MTBP: variants seen among roughly 807,000 people sequenced by gnomAD.
MTBP encodes MDM2 binding protein, also known as mdm2-binding protein.
In MTBP, 101 loss-of-function variants were observed where a neutral mutation model predicts 117.0. The observed-to-expected ratio is 0.86, with a 90% CI of 0.73 to 1.02. The LOEUF is 1.02. Among genes scored for constraint, MTBP ranks in the 50% least tolerant of loss-of-function variants. MTBP has a pLI of 0.00. For missense variants in MTBP, 970 were observed against 1,030.9 expected (o/e 0.94, Z 0.81); for synonymous variants, 350 against 351.5 (o/e 1.00, Z 0.05).
intron 4 of MTBP, chr8:120,451,888 T>C (rs1813354389): frequency 6.6e-6 from 1 of 152,270 alleles, no homozygotes; most frequent in South Asian, 2.1e-4. Flanking sequence ...TGGCCAATAA[T>C]GTATTTTAAA....
At chr8:120,447,468 G>C (rs1221809343) in intron 2 of MTBP, among the ~76,000 whole-genome samples, 1 of 152,114 alleles carries the variant, frequency 6.6e-6, no homozygotes, top group Non-Finnish European at 1.5e-5. Context: ...ATATGTAAAA[G>C]AGCTCTTGGG....
At chr8:120,503,431 G>A (rs1415729214) in intron 15 of MTBP, among the ~76,000 whole-genome samples, 1 of 152,144 alleles carries the variant, frequency 6.6e-6, no homozygotes, top group Non-Finnish European at 1.5e-5. Context: ...GACTGGGGGA[G>A]AAAAATTTTA....
At chr8:120,455,371 C>G (rs1813446102) in intron 5 of MTBP, 64 bp from the exon 6 acceptor site, 5 of 968,806 alleles carry the variant, frequency 5.2e-6, no homozygotes, top group Non-Finnish European at 7.6e-6. Context: ...CTTCAGGGTA[C>G]TATTTTGAGA....
At chr8:120,492,524 A>G (rs1263754076) in intron 13 of MTBP, among the ~76,000 whole-genome samples, 1 of 152,214 alleles carries the variant, frequency 6.6e-6, no homozygotes, top group African/African-American at 2.4e-5. Flanking sequence ...TAGTGGTTCA[A>G]TATCCATACA....
rs1342983307 is a variant in MTBP, at chr8:120,522,654, G to A, written c.2611G>A (p.Asp871Asn). 1.9e-6 allele frequency: 3 copies of A among 1,586,934 alleles called. No individual in the cohort carries two copies. The highest frequency in any genetic ancestry group is 8.6e-7 in the Non-Finnish European group (1 of 1,158,452). Residue 871 changes from aspartate to asparagine, a missense_variant and splice_region_variant, in exon 21 of 22, where the codon GAT becomes AAT. Asp to Asn is a conservative substitution (Grantham distance 23). Coordinates refer to ENST00000305949, the MANE Select transcript of MTBP (RefSeq NM_022045.5). The stretch of plus-strand genomic sequence containing the variant: ...AAATGCTGTATTTTATTATGTTTAG[G>A]ATCTTAAAACTTCAAGGGGTCTATT... ...LFEISKFYLKDLKTSRGLFEE... is the reference protein window; with the variant it reads ...LFEISKFYLKNLKTSRGLFEE...
rs572455950 is a variant in MTBP, at chr8:120,459,487, C to T, written c.882+138C>T. ...GCATAATTTTTAATATAATTAAGTA[C>T]TTAAGTTATACTATGTCATCAACAT... On this transcript the variant is annotated intron_variant, in intron 8 of 21. Transcript: ENST00000305949. The T allele has an allele frequency of 1.1e-5, 9 of 802,272 alleles. No individual in the cohort carries two copies. The South Asian group carries it at 1.9e-4, about 17-fold the overall frequency. The allele number at this position is 802,272 out of a possible 1,614,324, so 49.7% of individuals were successfully genotyped here.
At chr8:120,507,083 A>G (rs1465883606) in intron 16 of MTBP, among the ~76,000 whole-genome samples, 1 of 152,112 alleles carries the variant, frequency 6.6e-6, no homozygotes, top group Non-Finnish European at 1.5e-5. Flanking sequence ...TAAGAAAAGC[A>G]AACTCACCAT....
intron 14 of MTBP, among the ~76,000 whole-genome samples, chr8:120,498,543 GCTT>G (rs1323356441): frequency 6.6e-6 from 1 of 152,166 alleles, no homozygotes; most frequent in African/African-American, 2.4e-5. Flanking sequence ...TTGTGCCTCT[GCTT>G]CTTTATCTTT....
chr8:120,478,465 C>T (rs1193375988), intron 11 of MTBP, among the ~76,000 whole-genome samples: 1 of 151,972 alleles, frequency 6.6e-6, no homozygotes, highest in Non-Finnish European at 1.5e-5. Flanking sequence ...AATTTATCCT[C>T]ATGTAGCAGA....
At chr8:120,505,682 G>A (rs1268703769) in intron 15 of MTBP, among the ~76,000 whole-genome samples, 1 of 152,150 alleles carries the variant, frequency 6.6e-6, no homozygotes, top group African/African-American at 2.4e-5. Flanking sequence ...TTAATTTTCT[G>A]TGCAGACATT....
chr8:120,485,571 A>G (rs1370199321), intron 11 of MTBP, among the ~76,000 whole-genome samples: 1 of 151,964 alleles, frequency 6.6e-6, no homozygotes, highest in Non-Finnish European at 1.5e-5. Context: ...AGTTCTTTAA[A>G]CGTATTTATA....
At chr8:120,480,140 A>G (rs1196366200) in intron 11 of MTBP, among the ~76,000 whole-genome samples, 2 of 151,888 alleles carry the variant, frequency 1.3e-5, no homozygotes, top group South Asian at 4.2e-4. Context: ...ATTGAACCCA[A>G]TGCCTATCAA....
At position 120,451,170 on chromosome 8, in the gene MTBP, G is replaced by A. The variant is rs1813332641; in HGVS notation, c.274-1G>A. On this transcript the variant is annotated splice_acceptor_variant, in intron 3 of 21. Transcript: ENST00000305949. LOFTEE classifies it high-confidence loss of function. Reference sequence around the variant, plus strand: ...TTTAATACAATCTTTTGATTTGTTAGTTTTGTAGTTCTGATTGGCAAGAGA... The same window carrying A: ...TTTAATACAATCTTTTGATTTGTTAATTTTGTAGTTCTGATTGGCAAGAGA... 2 of 1,599,132 alleles carry A rather than the reference G, an allele frequency of 1.3e-6. No homozygotes were observed. The highest frequency in any genetic ancestry group is 1.7e-6 in the Non-Finnish European group (2 of 1,171,308).
chr8:120,507,597 C>T (rs1369228095), intron 16 of MTBP, among the ~76,000 whole-genome samples: 3 of 115,296 alleles, frequency 2.6e-5, no homozygotes, highest in East Asian at 2.6e-4. Flanking sequence ...TAAGCTTAAT[C>T]GGAATTATAC....
intron 7 of MTBP, among the ~76,000 whole-genome samples, 199 bp downstream of exon 7, chr8:120,456,869 T>C (rs924338629): frequency 3.3e-5 from 5 of 152,320 alleles, no homozygotes; most frequent in Admixed American, 1.3e-4. Flanking sequence ...CTGAGCACTT[T>C]ATATGTGAGT....
chr8:120,465,140 A>G (rs1315304085), intron 10 of MTBP, among the ~76,000 whole-genome samples: 1 of 152,176 alleles, frequency 6.6e-6, no homozygotes, highest in Non-Finnish European at 1.5e-5. Flanking sequence ...ATTTTAATCC[A>G]GGTAGCCAAG....
rs189332910 is a variant in MTBP at position 120,468,321 on chromosome 8, T to G, written c.1048-2499T>G. On this transcript the variant is annotated intron_variant, in intron 10 of 21. Coordinates refer to ENST00000305949, the MANE Select transcript of MTBP (RefSeq NM_022045.5). ...TAATTATGGTTTCAGACCATGAATT[T>G]TAAGTCATTATAACTAGGCTCAAAC... 5.5e-3 allele frequency among the ~76,000 whole-genome samples: 833 copies of G among 152,308 alleles called. 6 individuals carry two copies. The highest frequency in any genetic ancestry group is 7.4e-3 in the Non-Finnish European group (501 of 68,026).
At chr8:120,481,273 CAGTTA>C (rs1814078454) in intron 11 of MTBP, among the ~76,000 whole-genome samples, 1 of 152,190 alleles carries the variant, frequency 6.6e-6, no homozygotes, top group Non-Finnish European at 1.5e-5. Context: ...AACAGTTTGA[CAGTTA>C]AACTTGCACT....
At chr8:120,480,150 A>G (rs1419027554) in intron 11 of MTBP, among the ~76,000 whole-genome samples, 2 of 152,026 alleles carry the variant, frequency 1.3e-5, no homozygotes, top group East Asian at 1.9e-4. Context: ...ATGCCTATCA[A>G]AATTCCAGCA....
Sources: allele counts gnomAD v4.1 joint callset (sites outside exome capture counted in the v4.1 genomes callset), GRCh38; gene constraint gnomAD v4.1.1; transcripts MANE v1.5; gene names NCBI Gene and HGNC (gene_info 2026-07-23, HGNC 2026-07-21).